Variants in CELF6 observed in about 807,000 individuals in gnomAD.
The protein encoded by CELF6 is CUGBP Elav-like family member 6, also known as Bruno -like 6, RNA binding protein.
A neutral mutation model predicts 53.1 loss-of-function variants in CELF6; 32 were observed. The observed-to-expected ratio is 0.60, with a 90% CI of 0.46 to 0.81. CELF6 has a LOEUF of 0.81. CELF6 is among the 30% of genes least tolerant of loss of function. The pLI, the probability that CELF6 is intolerant of heterozygous loss-of-function variation, is 0.00. For missense variants in CELF6, 539 were observed against 669.5 expected, an observed-to-expected ratio of 0.81 and a Z score of 2.15; for synonymous variants, 291 against 288.8, an observed-to-expected ratio of 1.01 and a Z score of -0.08.
intron 2 of CELF6, among the ~76,000 whole-genome samples, chr15:72,312,927 T>C (rs984157071): frequency 2.0e-5 from 3 of 152,206 alleles, no homozygotes; most frequent in African/African-American, 7.2e-5. Context: ...CAGGCATTGC[T>C]GGGGCTGGCC....
chr15:72,304,015 C>T (rs772614319), intron 3 of CELF6, among the ~76,000 whole-genome samples: 6 of 152,072 alleles, frequency 3.9e-5, no homozygotes, highest in Non-Finnish European at 5.9e-5. Flanking sequence ...GGATTACAGG[C>T]ATCCACTACC....
rs1351063611 is a variant in CELF6 at position 72,319,129 on chromosome 15, G to C, written c.262+484C>G. ...CTGAGAGTCAAAAGAAGGCTCTTGAGGGGGATGGCCGGACTAGGAGGCCAG... is the reference window on the plus strand; with the variant it reads ...CTGAGAGTCAAAAGAAGGCTCTTGACGGGGATGGCCGGACTAGGAGGCCAG... On this transcript the variant is annotated intron_variant, in intron 1 of 12. Coordinates refer to ENST00000287202, the MANE Select transcript of CELF6 (RefSeq NM_052840.5). The surrounding 1 kb of genome is among the most constrained non-coding windows in gnomAD (Gnocchi z 5.0). 6.6e-6 allele frequency among the ~76,000 whole-genome samples: 1 copy of C among 152,128 alleles called. No homozygotes were observed. The highest frequency in any genetic ancestry group is 1.5e-5 in the Non-Finnish European group (1 of 68,020).
At chr15:72,291,160 C>T (rs2088001633) in intron 3 of CELF6, among the ~76,000 whole-genome samples, 1 of 152,200 alleles carries the variant, frequency 6.6e-6, no homozygotes, top group South Asian at 2.1e-4. Context: ...CCTGTGTCCA[C>T]CCTTTCTATG....
rs747082844 is a variant in CELF6, at chr15:72,288,922, G to T, written c.1039C>A (p.Pro347Thr). ...TGCTGCAGGGGGTCAGCCACGCCGG[G>T]GCTCTGGGCTGGGGAGAGAGGGGCG... ...NGLSPYPAQS[P>T]GVADPLQQAY... is the part of the protein sequence containing the mutation. Residue 347 changes from proline (P) to threonine (T), a missense_variant, in exon 9 of 13, where the codon CCC becomes ACC. By Grantham distance (38) the Pro-to-Thr change is conservative (BLOSUM62 -1). Transcript: ENST00000287202. This position sits in a 1 kb window ranked among gnomAD's most constrained non-coding sequence, Gnocchi z 4.6. The T allele has an allele frequency of 6.4e-7, 1 of 1,550,580 alleles. No homozygotes were observed. Among genetic ancestry groups the T allele is most frequent in the South Asian group, 1.2e-5 (1 of 84,058 alleles).
intron 3 of CELF6, among the ~76,000 whole-genome samples, chr15:72,291,034 C>A (rs1468995686): frequency 6.6e-6 from 1 of 152,198 alleles, no homozygotes; most frequent in Non-Finnish European, 1.5e-5. Context: ...TGTCTGTATC[C>A]TTCCCTCTGA....
intron 2 of CELF6, among the ~76,000 whole-genome samples, chr15:72,308,415 C>T (rs1212660988): frequency 3.3e-5 from 5 of 151,714 alleles, no homozygotes; most frequent in South Asian, 4.2e-4. Context: ...TTAGTAAAGA[C>T]GGGGTTTCTC....
At chr15:72,291,409 G>A (rs1431793103) in intron 3 of CELF6, among the ~76,000 whole-genome samples, 3 of 152,166 alleles carry the variant, frequency 2.0e-5, no homozygotes, top group Admixed American at 6.5e-5. Flanking sequence ...GACAATACAA[G>A]TTGGGAGAGA....
At chr15:72,308,758 T>G (rs2088262141) in intron 2 of CELF6, among the ~76,000 whole-genome samples, 1 of 152,050 alleles carries the variant, frequency 6.6e-6, no homozygotes, top group African/African-American at 2.4e-5. Context: ...CAGGTTGGAG[T>G]GCAGTGGCGC....
chr15:72,314,135 G>T (rs2140306871), intron 2 of CELF6, among the ~76,000 whole-genome samples: 1 of 152,292 alleles, frequency 6.6e-6, no homozygotes, highest in East Asian at 1.9e-4. Context: ...GAGGCTAAAG[G>T]TGCTTCAGTT....
chr15:72,291,051 T>C (rs1468046990), intron 3 of CELF6, among the ~76,000 whole-genome samples: 1 of 152,178 alleles, frequency 6.6e-6, no homozygotes, highest in Non-Finnish European at 1.5e-5. Context: ...CTGATTCCCC[T>C]GTCCTCTTGC....
At chr15:72,305,817 GC>G (rs1379273759) in intron 2 of CELF6, among the ~76,000 whole-genome samples, 1 of 150,860 alleles carries the variant, frequency 6.6e-6, no homozygotes, top group African/African-American at 2.4e-5. Flanking sequence ...AGTCCCACGG[GC>G]GCCTTCACTC....
At chr15:72,292,492 G>A (rs1027043887) in intron 3 of CELF6, among the ~76,000 whole-genome samples, 9 of 152,222 alleles carry the variant, frequency 5.9e-5, no homozygotes, top group East Asian at 1.9e-4. Flanking sequence ...GTGGAGCTGT[G>A]TCATTGGGCA....
intron 3 of CELF6, among the ~76,000 whole-genome samples, chr15:72,295,056 G>A (rs760455893): frequency 2.7e-5 from 4 of 146,766 alleles, no homozygotes; most frequent in African/African-American, 7.6e-5. Context: ...CTTGGAGGCC[G>A]GGCATGGTGG....
rs772254268 is a variant in CELF6 at position 72,288,271 on chromosome 15, GAGGTGGGAGAGGCCT to G, written c.1318+22_1318+36del. On this transcript the variant is annotated intron_variant, in intron 11 of 12. Coordinates refer to ENST00000287202, the MANE Select transcript of CELF6 (RefSeq NM_052840.5). The surrounding 1 kb of genome is among the most constrained non-coding windows in gnomAD (Gnocchi z 4.6). The stretch of plus-strand genomic sequence containing the variant: ...GTCTGTAGGAAATCCTTTATAGTCA[GAGGTGGGAGAGGCCT>G]AGGGGTAGGTTCTCAGCTCACCAAA... 1.2e-6 allele frequency: 2 copies of G among 1,609,756 alleles called. No homozygotes were observed. The highest frequency in any genetic ancestry group is 2.2e-5 in the South Asian group (2 of 90,986).
chr15:72,299,659 T>A (rs2141194189), intron 3 of CELF6, among the ~76,000 whole-genome samples: 1 of 152,224 alleles, frequency 6.6e-6, no homozygotes, highest in African/African-American at 2.4e-5. Flanking sequence ...CCACGCCCAG[T>A]CCTGAGGAAA....
chr15:72,296,495 T>C (rs749252980), intron 3 of CELF6, among the ~76,000 whole-genome samples: 1 of 152,160 alleles, frequency 6.6e-6, no homozygotes, highest in Non-Finnish European at 1.5e-5. Context: ...ACCTCTGGAA[T>C]GGGAGAACAC....
At chr15:72,317,053 G>A (rs1303718421) in intron 1 of CELF6, among the ~76,000 whole-genome samples, 2 of 152,192 alleles carry the variant, frequency 1.3e-5, no homozygotes, top group African/African-American at 4.8e-5. Context: ...CAAGAATTTG[G>A]TGTGTTGGGG....
chr15:72,309,693 T>G (rs1428477256), intron 2 of CELF6, among the ~76,000 whole-genome samples: 3 of 152,194 alleles, frequency 2.0e-5, no homozygotes, highest in Non-Finnish European at 4.4e-5. Context: ...CTGGGCAACC[T>G]ATTATATATA....
In CELF6 at chr15:72,290,303, C is replaced by T. The variant is rs369685906; in HGVS notation, c.395-48G>A. The T allele has an allele frequency of 1.5e-3, 2,371 of 1,588,542 alleles. 38 individuals carry two copies. In the South Asian group the frequency reaches 0.022, roughly 15 times the overall value. Reference sequence around the variant, plus strand: ...CCTGGGGACCCCAAGTCTTCCTAGACCCCCGAGAGTAGCCTGAGGAACTTA... The same window carrying T: ...CCTGGGGACCCCAAGTCTTCCTAGATCCCCGAGAGTAGCCTGAGGAACTTA... On this transcript the variant is annotated intron_variant, in intron 3 of 12. Coordinates refer to ENST00000287202, the MANE Select transcript of CELF6 (RefSeq NM_052840.5).
Sources: gnomAD v4.1 joint callset for allele counts (sites outside exome capture counted in the v4.1 genomes callset) on GRCh38, gnomAD v4.1.1 for gene constraint, Gnocchi (gnomAD v3.1) non-coding constraint, MANE v1.5 for transcripts, NCBI Gene and HGNC (gene_info 2026-07-23, HGNC 2026-07-21) for gene names.